Variants in EYA2 observed in about 807,000 individuals in gnomAD.
EYA2 encodes EYA transcriptional coactivator and phosphatase 2, also known as protein phosphatase EYA2.
Under a neutral mutation model 69.2 loss-of-function variants are expected in EYA2, and 31 were observed. That is an observed-to-expected ratio of 0.45 (90% confidence interval 0.34 to 0.60). The LOEUF is 0.60. Among genes scored for constraint, EYA2 ranks in the 20% least tolerant of loss-of-function variants. EYA2 has a pLI of 0.02. For missense variants in EYA2, 622 were observed against 701.2 expected, an observed-to-expected ratio of 0.89 and a Z score of 1.28; for synonymous variants, 257 against 279.4, an observed-to-expected ratio of 0.92 and a Z score of 0.80.
At chr20:47,118,970 G>C (rs2032975351) in intron 9 of EYA2, among the ~76,000 whole-genome samples, 1 of 152,182 alleles carries the variant, frequency 6.6e-6, no homozygotes, top group Admixed American at 6.5e-5. Context: ...CAAATTGTCA[G>C]CTGGGTTGGA....
At chr20:47,157,383 G>GA (rs1310816683) in intron 10 of EYA2, among the ~76,000 whole-genome samples, 1 of 134,792 alleles carries the variant, frequency 7.4e-6, no homozygotes, top group Non-Finnish European at 1.6e-5. Flanking sequence ...AAAAAAAAGA[G>GA]TACTAAGTAT....
intron 1 of EYA2, among the ~76,000 whole-genome samples, chr20:46,984,908 G>T (rs930148348): frequency 6.6e-6 from 1 of 152,242 alleles, no homozygotes; most frequent in South Asian, 2.1e-4. Context: ...TAGAGTGGGT[G>T]TGCAGTATAG....
At position 46,941,313 on chromosome 20, in the gene EYA2, C is replaced by T. The variant is rs926407758; in HGVS notation, c.-11+46326C>T. On this transcript the variant is annotated intron_variant, in intron 1 of 15. Coordinates refer to ENST00000327619, the MANE Select transcript of EYA2 (RefSeq NM_005244.5). ...GATGTAATGAGGTGCCTTCAGTTTCCCTCAAGGTCTAGGAGGGTGTTAAGT... is the reference window on the plus strand; with the variant it reads ...GATGTAATGAGGTGCCTTCAGTTTCTCTCAAGGTCTAGGAGGGTGTTAAGT... Among the ~76,000 whole-genome samples, 3 of 152,334 alleles carry T rather than the reference C, an allele frequency of 2.0e-5. No individual in the cohort carries two copies. In the South Asian group the frequency reaches 6.2e-4, roughly 32 times the overall value.
At chr20:46,897,246 G>C (rs1489107891) in intron 1 of EYA2, among the ~76,000 whole-genome samples, 1 of 152,188 alleles carries the variant, frequency 6.6e-6, no homozygotes, top group Admixed American at 6.5e-5. Context: ...GCTAGCTGCT[G>C]TTGGGAGAAT....
chr20:46,917,860 C>T (rs1454160676), intron 1 of EYA2, among the ~76,000 whole-genome samples: 3 of 152,098 alleles, frequency 2.0e-5, no homozygotes, highest in African/African-American at 7.2e-5. Flanking sequence ...CTGATCAGGG[C>T]GGTGGTTGCT....
intron 4 of EYA2, among the ~76,000 whole-genome samples, chr20:47,006,262 C>T (rs1031107725): frequency 3.9e-5 from 6 of 152,220 alleles, no homozygotes; most frequent in Non-Finnish European, 7.3e-5. Context: ...CATGTCCACC[C>T]GCAGGACCAG....
chr20:47,183,028 G>A (rs1238174363), intron 14 of EYA2, among the ~76,000 whole-genome samples: 1 of 152,196 alleles, frequency 6.6e-6, no homozygotes, highest in Non-Finnish European at 1.5e-5. Context: ...CAGAGACTTG[G>A]GAGCCTGCTC....
rs185300458 is a variant in EYA2, at chr20:47,152,718, C to T, written c.978+9570C>T. Among the ~76,000 whole-genome samples the T allele has an allele frequency of 2.5e-3, 383 of 150,580 alleles. 3 individuals are homozygous for T. The Middle Eastern group carries it at 0.052, about 20-fold the overall frequency. ...CCCAGCTACTCAGGAGGCTGAGGCA[C>T]GAGAATCACTCGAACCCAGGAGGCA... On this transcript the variant is annotated intron_variant, in intron 10 of 15. Transcript: ENST00000327619.
rs866937 is a variant in EYA2, at chr20:47,089,315, C to T, written c.738C>T (p.Asp246=). The change falls in exon 8 of 16, where the codon GAC becomes GAT. Residue 246 remains aspartate, a synonymous_variant. Transcript: ENST00000327619. Reference sequence around the variant, plus strand: ...CAGACAGGCCGCACCGGGCCTCCGACGGGAAGCTCCGAGGCCGGTCTAAGA... The same window carrying T: ...CAGACAGGCCGCACCGGGCCTCCGATGGGAAGCTCCGAGGCCGGTCTAAGA... ...GDTDRPHRAS[D]GKLRGRSKRS... 424,607 of 1,613,872 alleles carry T rather than the reference C, an allele frequency of 0.26. 57,549 individuals carry two copies. The highest frequency in any genetic ancestry group is 0.33 in the Admixed American group (19,536 of 60,006).
At chr20:46,959,323 G>T (rs1407958510) in intron 1 of EYA2, among the ~76,000 whole-genome samples, 1 of 152,176 alleles carries the variant, frequency 6.6e-6, no homozygotes, top group Non-Finnish European at 1.5e-5. Flanking sequence ...GGAGATTTGG[G>T]ACTGGACCAT....
chr20:47,171,763 G>A (rs1488067084), intron 11 of EYA2, among the ~76,000 whole-genome samples: 1 of 152,056 alleles, frequency 6.6e-6, no homozygotes. Context: ...CCCCATGGTA[G>A]CATCTGAGTT....
rs768526357 is a variant in EYA2 at position 47,009,718 on chromosome 20, A to G, written c.298+4634A>G. On this transcript the variant is annotated intron_variant, in intron 4 of 15. Transcript: ENST00000327619. ...TCTATCTCAATCACTCAACTCTGCCATTGTAGCATGAAAGCAGCCATAGAC... is the reference window on the plus strand; with the variant it reads ...TCTATCTCAATCACTCAACTCTGCCGTTGTAGCATGAAAGCAGCCATAGAC... Among the ~76,000 whole-genome samples the G allele has an allele frequency of 2.6e-5, 4 of 152,230 alleles. No homozygotes were observed. The South Asian group carries it at 8.3e-4, about 32-fold the overall frequency.
At chr20:47,022,325 T>G (rs764210814) in intron 5 of EYA2, among the ~76,000 whole-genome samples, 2 of 152,212 alleles carry the variant, frequency 1.3e-5, no homozygotes, top group Non-Finnish European at 2.9e-5. Context: ...TTAAATTGTT[T>G]CTTGTTGAGA....
chr20:47,017,546 G>GA (rs375518524), intron 5 of EYA2, among the ~76,000 whole-genome samples: 75 of 151,480 alleles, frequency 5.0e-4, no homozygotes, highest in Non-Finnish European at 7.5e-4. Context: ...AGCATTTCAG[G>GA]AAAAAAAAAT....
At chr20:47,169,509 T>A (rs1466223536) in intron 11 of EYA2, among the ~76,000 whole-genome samples, 1 of 152,124 alleles carries the variant, frequency 6.6e-6, no homozygotes, top group South Asian at 2.1e-4. Flanking sequence ...AGTAAAAATT[T>A]GTTTAAAAAA....
At chr20:46,941,931 A>AT (rs1986171602) in intron 1 of EYA2, among the ~76,000 whole-genome samples, 1 of 151,240 alleles carries the variant, frequency 6.6e-6, no homozygotes. Context: ...TAATTTTTAA[A>AT]TTTTTTTGCA....
At chr20:47,138,058 G>A (rs567558878) in intron 9 of EYA2, among the ~76,000 whole-genome samples, 9 of 151,726 alleles carry the variant, frequency 5.9e-5, no homozygotes, top group Non-Finnish European at 1.3e-4. Context: ...GTTAATGGGT[G>A]CAGCACACCA....
chr20:47,146,883 C>A (rs531895483), intron 10 of EYA2, among the ~76,000 whole-genome samples: 1 of 152,300 alleles, frequency 6.6e-6, no homozygotes, highest in African/African-American at 2.4e-5. Flanking sequence ...GACCCGTGCC[C>A]ACAAGGCATT....
In EYA2 at chr20:47,049,555, C is replaced by T. The variant is rs190233773; in HGVS notation, c.416-22630C>T. Among the ~76,000 whole-genome samples, 279 of 152,190 alleles carry T rather than the reference C, an allele frequency of 1.8e-3. 2 individuals are homozygous for T. Among genetic ancestry groups the T allele is most frequent in the African/African-American group, 6.4e-3 (266 of 41,504 alleles). ...GGTTGTTTCAAAGAGTCTGGGACCTCCCCCTTTCCCTCTCTCTTGCTCTGT... is the reference window on the plus strand; with the variant it reads ...GGTTGTTTCAAAGAGTCTGGGACCTTCCCCTTTCCCTCTCTCTTGCTCTGT... On this transcript the variant is annotated intron_variant, in intron 5 of 15. Transcript: ENST00000327619.
Sources: allele counts gnomAD v4.1 joint callset (sites outside exome capture counted in the v4.1 genomes callset), GRCh38; gene constraint gnomAD v4.1.1; transcripts MANE v1.5; gene names NCBI Gene and HGNC (gene_info 2026-07-23, HGNC 2026-07-21).